Variants in LHFPL2 observed in about 807,000 individuals in gnomAD.
The protein encoded by LHFPL2 is LHFPL tetraspan subfamily member 2.
Under a neutral mutation model 17.5 loss-of-function variants are expected in LHFPL2, and 7 were observed. The observed-to-expected ratio is 0.40, with a 90% CI of 0.23 to 0.75. The LOEUF (loss-of-function observed/expected upper bound fraction) is 0.75, where lower values mean the gene tolerates loss of function less well. LHFPL2 is among the 30% of genes least tolerant of loss of function. The pLI is 0.37. For synonymous variants in LHFPL2, 134 were observed against 116.2 expected, an observed-to-expected ratio of 1.15 and a Z score of -0.99; for missense variants, 241 against 294.8, an observed-to-expected ratio of 0.82 and a Z score of 1.34.
At chr5:78,636,397 A>G (rs1027231183) in intron 1 of LHFPL2, among the ~76,000 whole-genome samples, 3 of 152,228 alleles carry the variant, frequency 2.0e-5, no homozygotes, top group African/African-American at 4.8e-5. Flanking sequence ...AGCTACTTCT[A>G]TATCCAGCTG....
At chr5:78,515,741 T>C (rs1755272969) in intron 3 of LHFPL2, among the ~76,000 whole-genome samples, 1 of 152,208 alleles carries the variant, frequency 6.6e-6, no homozygotes, top group Non-Finnish European at 1.5e-5. Flanking sequence ...AGAATCTGCA[T>C]TTCTAACAAG....
intron 3 of LHFPL2, among the ~76,000 whole-genome samples, chr5:78,532,438 G>T (rs13158854): frequency 3.3e-5 from 5 of 151,890 alleles, no homozygotes; most frequent in Non-Finnish European, 7.4e-5. Flanking sequence ...CTACAGCCAT[G>T]GGGGACTTAG....
intron 2 of LHFPL2, among the ~76,000 whole-genome samples, chr5:78,620,262 G>A (rs1009511237): frequency 4.0e-5 from 6 of 151,434 alleles, no homozygotes; most frequent in South Asian, 4.2e-4. Context: ...GCCAGTGATG[G>A]TGAGCATTTT....
At chr5:78,585,464 G>C (rs1222094014) in intron 2 of LHFPL2, among the ~76,000 whole-genome samples, 1 of 152,146 alleles carries the variant, frequency 6.6e-6, no homozygotes, top group Non-Finnish European at 1.5e-5. Flanking sequence ...CCCTGCTTCG[G>C]CTCACGCACA....
rs116696379 is a variant in LHFPL2 at position 78,497,619 on chromosome 5, G to A, written c.431-8466C>T. 9.0e-3 allele frequency among the ~76,000 whole-genome samples: 1,378 copies of A among 152,354 alleles called. 17 individuals are homozygous for A. Among genetic ancestry groups the A allele is most frequent in the African/African-American group, 0.031 (1,299 of 41,580 alleles). On this transcript the variant is annotated intron_variant, in intron 4 of 4. Transcript: ENST00000380345. ...TGGATGAATGAAAAGATAAGGTGAT[G>A]TGATTATATTACATTTTTAAACAAA... is the stretch of plus-strand genomic sequence containing the variant.
At chr5:78,491,881 T>C (rs968273508) in intron 4 of LHFPL2, among the ~76,000 whole-genome samples, 14 of 152,144 alleles carry the variant, frequency 9.2e-5, no homozygotes, top group African/African-American at 3.4e-4. Flanking sequence ...AGTATAATAA[T>C]TTGGGGAGAG....
intron 3 of LHFPL2, among the ~76,000 whole-genome samples, chr5:78,516,336 G>A (rs1755290451): frequency 6.6e-6 from 1 of 152,056 alleles, no homozygotes; most frequent in South Asian, 2.1e-4. Context: ...TCCCATCTCT[G>A]ACTTCTGGGA....
intron 2 of LHFPL2, among the ~76,000 whole-genome samples, chr5:78,624,370 C>T (rs1744960284): frequency 6.6e-6 from 1 of 152,168 alleles, no homozygotes; most frequent in African/African-American, 2.4e-5. Context: ...TTCTCTGTCC[C>T]AGAGGAGGCA....
intron 3 of LHFPL2, among the ~76,000 whole-genome samples, chr5:78,529,853 T>A (rs182884570): frequency 1.3e-5 from 2 of 152,230 alleles, no homozygotes; most frequent in Non-Finnish European, 2.9e-5. Context: ...AAATGTTTTT[T>A]AATATCTTTG....
chr5:78,641,863 A>C (rs1390817819), intron 1 of LHFPL2: 1 of 151,830 alleles, frequency 6.6e-6, no homozygotes, highest in Non-Finnish European at 1.5e-5. Flanking sequence ...TTCATCTTAC[A>C]TTTTCTTAAA....
At chr5:78,509,390 A>C (rs547099768) in intron 4 of LHFPL2, among the ~76,000 whole-genome samples, 1 of 152,336 alleles carries the variant, frequency 6.6e-6, no homozygotes, top group East Asian at 1.9e-4. Flanking sequence ...CTTAGCATAA[A>C]GTGCTTGCTG....
At chr5:78,605,386 AT>A (rs1744178270) in intron 2 of LHFPL2, among the ~76,000 whole-genome samples, 1 of 152,186 alleles carries the variant, frequency 6.6e-6, no homozygotes, top group African/African-American at 2.4e-5. Flanking sequence ...TGTCTGGGAA[AT>A]ACATGGCCCT....
chr5:78,553,999 C>T (rs993924662), intron 3 of LHFPL2, among the ~76,000 whole-genome samples: 2 of 152,200 alleles, frequency 1.3e-5, no homozygotes, highest in South Asian at 2.1e-4. Context: ...CCCTGCGTTC[C>T]CCATTTCAGG....
intron 2 of LHFPL2, among the ~76,000 whole-genome samples, chr5:78,581,319 C>A (rs904569831): frequency 2.6e-4 from 39 of 152,312 alleles, no homozygotes; most frequent in African/African-American, 9.4e-4. Flanking sequence ...CCAGAACTTC[C>A]AACACTATAT....
chr5:78,491,873 TATA>T (rs1438525161), intron 4 of LHFPL2, among the ~76,000 whole-genome samples: 2 of 152,154 alleles, frequency 1.3e-5, no homozygotes, highest in African/African-American at 2.4e-5. Flanking sequence ...TTTTGAGAAG[TATA>T]ATAATTTGGG....
intron 1 of LHFPL2, among the ~76,000 whole-genome samples, chr5:78,642,620 C>T (rs1745711012): frequency 6.6e-6 from 1 of 152,162 alleles, no homozygotes; most frequent in Admixed American, 6.5e-5. Context: ...AGGGAGGCCT[C>T]CCTACAAACA....
intron 3 of LHFPL2, among the ~76,000 whole-genome samples, chr5:78,520,209 G>C (rs1452380582): frequency 6.6e-6 from 1 of 152,130 alleles, no homozygotes; most frequent in Non-Finnish European, 1.5e-5. Flanking sequence ...GGCCACAAAA[G>C]CACCTTCTAT....
intron 2 of LHFPL2, among the ~76,000 whole-genome samples, chr5:78,629,831 A>C (rs1023821833): frequency 5.3e-5 from 8 of 152,224 alleles, no homozygotes; most frequent in African/African-American, 1.9e-4. Context: ...GATCAAGGCC[A>C]ATCTATAAAA....
rs1580758860 is a variant in LHFPL2, at chr5:78,510,370, C to G, written c.-157G>C. 8.1e-6 allele frequency: 6 copies of G among 743,338 alleles called. No homozygotes were observed. The highest frequency in any genetic ancestry group is 3.5e-5 in the African/African-American group (2 of 56,372). The allele number at this position is 743,338 out of a possible 1,614,324, so 46.0% of individuals were successfully genotyped here. ...GCGTTCATGCTGGGGACAGCGCTCC[C>G]GGACCCAGAGCACCGCCTGCGGCCT... On this transcript the variant is annotated 5_prime_UTR_variant, in exon 4 of 5. Coordinates refer to ENST00000380345, the MANE Select transcript of LHFPL2 (RefSeq NM_005779.3).
Sources: gnomAD v4.1 joint callset for allele counts (sites outside exome capture counted in the v4.1 genomes callset) on GRCh38, gnomAD v4.1.1 for gene constraint, MANE v1.5 for transcripts, NCBI Gene and HGNC (gene_info 2026-07-23, HGNC 2026-07-21) for gene names.